Variants in PNPLA6 observed in about 807,000 individuals in gnomAD.
PNPLA6 encodes the protein patatin like domain 6, lysophospholipase.
A neutral mutation model predicts 153.7 loss-of-function variants in PNPLA6; 105 were observed. The observed-to-expected ratio is 0.68, with a 90% CI of 0.58 to 0.80. The LOEUF is 0.80. Ranked by LOEUF, PNPLA6 falls within the 30% of genes least tolerant of loss-of-function variation. PNPLA6 has a pLI of 0.00. For synonymous variants in PNPLA6, 825 were observed against 822.2 expected (o/e 1.00, Z -0.06); for missense variants, 1,423 against 1,919.3 (o/e 0.74, Z 4.83).
At position 7,540,306 on chromosome 19, in the gene PNPLA6, C is replaced by T; in HGVS notation, c.712C>T (p.Pro238Ser). Residue 238 changes from proline to serine, a missense_variant and splice_region_variant, in exon 5 of 32, where the codon CCT (proline) becomes TCT (serine). Coordinates refer to ENST00000600737, the MANE Select transcript of PNPLA6 (RefSeq NM_001166114.2). This position sits in a 1 kb window ranked among gnomAD's most constrained non-coding sequence, Gnocchi z 6.8. Reference protein sequence around the residue: ...DGLLELCLPGPDGKECVVKEV... With the variant: ...DGLLELCLPGSDGKECVVKEV... The stretch of plus-strand genomic sequence containing the variant: ...GCTGCTGGAGCTCTGTCTGCCAGGG[C>T]CTGTGAGTGGGCCTCCCCAGGGGCT... 6.2e-7 allele frequency: 1 copy of T among 1,603,662 alleles called. No individual in the cohort carries two copies. The highest frequency in any genetic ancestry group is 8.5e-7 in the Non-Finnish European group (1 of 1,177,450).
intron 3 of PNPLA6, among the ~76,000 whole-genome samples, chr19:7,539,606 A>T (rs1446335430): frequency 1.3e-5 from 2 of 149,750 alleles, no homozygotes. Flanking sequence ...AAAAATGCAA[A>T]ATTAGCTGGG....
intron 13 of PNPLA6, among the ~76,000 whole-genome samples, chr19:7,544,975 C>T (rs535616861): frequency 6.8e-4 from 103 of 152,082 alleles, no homozygotes; most frequent in African/African-American, 2.3e-3. Context: ...AGCTTCTCTG[C>T]GTTGGCAGGA....
chr19:7,544,539 G>T (rs2023301502), intron 13 of PNPLA6, among the ~76,000 whole-genome samples: 1 of 152,180 alleles, frequency 6.6e-6, no homozygotes, highest in Admixed American at 6.5e-5. Flanking sequence ...TCCACAGTGT[G>T]GGGTTTGCAA....
chr19:7,534,811 C>G (rs1181551494), upstream of PNPLA6: 1 of 153,780 alleles, frequency 6.5e-6, no homozygotes, highest in Non-Finnish European at 1.5e-5. Context: ...GCCCCCATAA[C>G]TTCACTACTA....
chr19:7,535,597 C>G (rs757667145), upstream of PNPLA6: 1 of 1,600,912 alleles, frequency 6.2e-7, no homozygotes, highest in Non-Finnish European at 8.5e-7. This position sits in a 1 kb window ranked among gnomAD's most constrained non-coding sequence, Gnocchi z 5.0. Context: ...GGGGCGGAGA[C>G]CGGGTAGGTG....
At position 7,540,809 on chromosome 19, in the gene PNPLA6, C is replaced by T; in HGVS notation, c.795+99C>T. 1 of 1,560,938 alleles carries T rather than the reference C, an allele frequency of 6.4e-7. No individual in the cohort carries two copies. The highest frequency in any genetic ancestry group is 8.8e-7 in the Non-Finnish European group (1 of 1,132,006). On this transcript the variant is annotated intron_variant, in intron 6 of 31. Coordinates refer to ENST00000600737, the MANE Select transcript of PNPLA6 (RefSeq NM_001166114.2). The surrounding 1 kb of genome is among the most constrained non-coding windows in gnomAD (Gnocchi z 6.8). ...ACAGGGTCCCCAATCTCTGGTTCAT[C>T]CGTTATGCTGCCGATGGCCCCTCAC...
chr19:7,540,847 A>G lies in PNPLA6; in HGVS notation c.796-76A>G. 11 of 1,600,428 alleles carry G rather than the reference A, an allele frequency of 6.9e-6. No individual in the cohort carries two copies. Among genetic ancestry groups the G allele is most frequent in the Admixed American group, 1.7e-5 (1 of 59,944 alleles). ...GATGGCCCCTCACGGGACTGGCGCC[A>G]GGAAGGATTAGGGGAGTAGCGAGGG... On this transcript the variant is annotated intron_variant, in intron 6 of 31. Transcript: ENST00000600737. This position sits in a 1 kb window ranked among gnomAD's most constrained non-coding sequence, Gnocchi z 6.8.
intron 15 of PNPLA6, 42 bp from the exon 16 acceptor site, chr19:7,550,475 C>T (rs1454966605): frequency 2.5e-6 from 4 of 1,612,410 alleles, no homozygotes; most frequent in Non-Finnish European, 3.4e-6. Flanking sequence ...GGGGTGGGGA[C>T]CTGGGGGTGG....
chr19:7,535,993 C>G lies in PNPLA6; in HGVS notation c.205C>G (p.Leu69Val). 1 of 1,579,968 alleles carries G rather than the reference C, an allele frequency of 6.3e-7. No homozygotes were observed. The highest frequency in any genetic ancestry group is 1.1e-5 in the South Asian group (1 of 87,124). Residue 69 changes from leucine (L) to valine (V), a missense_variant, in exon 1 of 32, where the codon CTG becomes GTG. Leu to Val is a conservative substitution (Grantham distance 32). Transcript: ENST00000600737. This position sits in a 1 kb window ranked among gnomAD's most constrained non-coding sequence, Gnocchi z 5.0. Reference sequence around the variant, plus strand: ...GGTGGTCACGGCCGTGCTCATCCTCCTGGTGGTGCGGAGGCTGCGAGTGCC... The same window carrying G: ...GGTGGTCACGGCCGTGCTCATCCTCGTGGTGGTGCGGAGGCTGCGAGTGCC... ...AVVVTAVLIL[L>V]VVRRLRVPKT...
At chr19:7,548,798 T>A (rs933271779) in intron 13 of PNPLA6, among the ~76,000 whole-genome samples, 1 of 62,992 alleles carries the variant, frequency 1.6e-5, no homozygotes, top group African/African-American at 6.1e-5. Context: ...TAAAAAAATT[T>A]TTCTTTTTTT....
At chr19:7,534,244 G>A (rs1204923506), upstream of PNPLA6, 1 of 310,192 alleles carries the variant, frequency 3.2e-6, no homozygotes, top group Non-Finnish European at 6.2e-6. Context: ...CCCTGGGTGA[G>A]TCTGGGTTTC....
rs1398446368 is a variant in PNPLA6 at position 7,541,776 on chromosome 19, C to G, written c.1168+92C>G. 6 of 1,400,832 alleles carry G rather than the reference C, an allele frequency of 4.3e-6. No homozygotes were observed. In the Admixed American group the frequency reaches 1.2e-4, roughly 28 times the overall value. 86.8% of individuals were successfully genotyped at this position (1,400,832 alleles called of 1,614,324 possible). A position where few individuals can be genotyped will look rare whatever the true frequency, so the allele number is the denominator to read the frequency against. On this transcript the variant is annotated intron_variant, in intron 9 of 31. Transcript: ENST00000600737. The surrounding 1 kb of genome is among the most constrained non-coding windows in gnomAD (Gnocchi z 5.2). ...TTTTTCAGTTCTGCATAGAGTCAAC[C>G]TGACCTTGTCCAGCCCCACAGGGAC...
chr19:7,535,903 G>C lies in PNPLA6; in HGVS notation c.115G>C (p.Gly39Arg). The C allele has an allele frequency of 6.4e-7, 1 of 1,555,128 alleles. No homozygotes were observed. Among genetic ancestry groups the C allele is most frequent in the Non-Finnish European group, 8.7e-7 (1 of 1,155,936 alleles). The change falls in exon 1 of 32, where the codon GGT becomes CGT. Residue 39 changes from glycine to arginine, a missense_variant. Around this residue, in one of 10 missense-constraint regions of PNPLA6, gnomAD observed 109 missense variants for 109.4 expected, o/e 1.00. Transcript: ENST00000600737. The surrounding 1 kb of genome is among the most constrained non-coding windows in gnomAD (Gnocchi z 5.0). ...PGEGSAGRICGAQPVPFVPQV... is the reference protein window; with the variant it reads ...PGEGSAGRICRAQPVPFVPQV... ...GGAAGGCTCGGCGGGACGGATTTGCGGTGCGCAGCCAGTGCCGTTCGTCCC... is the reference window on the plus strand; with the variant it reads ...GGAAGGCTCGGCGGGACGGATTTGCCGTGCGCAGCCAGTGCCGTTCGTCCC...
At chr19:7,548,959 C>T (rs2023517575) in intron 13 of PNPLA6, among the ~76,000 whole-genome samples, 1 of 150,644 alleles carries the variant, frequency 6.6e-6, no homozygotes. Flanking sequence ...CCCGCCACCA[C>T]GCCTGGCTAA....
chr19:7,542,399 G>C, intron 10 of PNPLA6, 162 bp from the exon 11 acceptor site: 1 of 686,804 alleles, frequency 1.5e-6, no homozygotes, highest in South Asian at 1.6e-5. Flanking sequence ...CAGTGGTGCT[G>C]TCATAGCTCA....
At position 7,536,100 on chromosome 19, in the gene PNPLA6, G is replaced by A. The variant is rs2022855443; in HGVS notation, c.232+80G>A. The A allele has an allele frequency of 1.2e-5, 18 of 1,564,240 alleles. No homozygotes were observed. The South Asian group carries it at 1.6e-4, about 14-fold the overall frequency. ...CCGGGTCCCGAGGCGGCAGAGATGG[G>A]GATTTGCTGGCGTCTGTTCGCGGTA... On this transcript the variant is annotated intron_variant, in intron 1 of 31. Coordinates refer to ENST00000600737, the MANE Select transcript of PNPLA6 (RefSeq NM_001166114.2).
chr19:7,544,720 G>A (rs187330472), intron 13 of PNPLA6, among the ~76,000 whole-genome samples: 77 of 152,224 alleles, frequency 5.1e-4, no homozygotes, highest in Non-Finnish European at 8.4e-4. Flanking sequence ...ACTGTTAGCC[G>A]GCTGGAGTGT....
Position 7,542,766 on chromosome 19 carries a change from C to A in PNPLA6, c.1368C>A (p.Pro456=), listed in dbSNP as rs2023214662. Residue 456 remains proline, a synonymous_variant, in exon 12 of 32, where the codon CCC becomes CCA. Coordinates refer to ENST00000600737, the MANE Select transcript of PNPLA6 (RefSeq NM_001166114.2). ...CACAAGCCTGCCCCACTCAGACCCC[C>A]ACTCAGGAGCCTCGTGAGCAGCCGG... is the stretch of plus-strand genomic sequence containing the variant. ...GGSLAAPART[P]TQEPREQPAG... is the part of the protein sequence containing the mutation. 1 of 1,613,014 alleles carries A rather than the reference C, an allele frequency of 6.2e-7. No individual in the cohort carries two copies. Among genetic ancestry groups the A allele is most frequent in the Non-Finnish European group, 8.5e-7 (1 of 1,179,940 alleles).
chr19:7,548,704 CAT>C (rs57331367), intron 13 of PNPLA6, among the ~76,000 whole-genome samples: 48,305 of 149,832 alleles, frequency 0.32, 8,910 homozygotes, highest in African/African-American at 0.49. Context: ...GTATATGGAA[CAT>C]ATATATATAT....
Sources: gnomAD v4.1 joint callset for allele counts (sites outside exome capture counted in the v4.1 genomes callset) on GRCh38, gnomAD v4.1.1 for gene constraint, gnomAD v4.1.1 regional missense constraint, Gnocchi (gnomAD v3.1) non-coding constraint, MANE v1.5 for transcripts, NCBI Gene and HGNC (gene_info 2026-07-23, HGNC 2026-07-21) for gene names.